TGM7: variants seen among roughly 807,000 people sequenced by gnomAD.
The protein encoded by TGM7 is protein-glutamine gamma-glutamyltransferase Z.
TGM7 carries 74 observed loss-of-function variants against 79.5 expected under a neutral mutation model. The ratio of observed to expected loss-of-function variants is 0.93; its 90% CI spans 0.77 to 1.13. The LOEUF (loss-of-function observed/expected upper bound fraction) is 1.13, where lower values mean the gene tolerates loss of function less well. Among genes scored for constraint, TGM7 ranks in the 50% most tolerant of loss-of-function variants. The pLI is 0.00. For missense variants in TGM7, 912 were observed against 905.9 expected (o/e 1.01, Z -0.09); for synonymous variants, 354 against 362.5 (o/e 0.98, Z 0.27).
Position 43,279,919 on chromosome 15 carries a change from C to T in TGM7, c.1384G>A (p.Ala462Thr). 2 of 1,614,160 alleles carry T rather than the reference C, an allele frequency of 1.2e-6. No homozygotes were observed. Among genetic ancestry groups the T allele is most frequent in the Non-Finnish European group, 1.7e-6 (2 of 1,180,008 alleles). Residue 462 changes from alanine to threonine, a missense_variant, in exon 10 of 13, where the codon GCT (alanine) becomes ACT (threonine). Ala to Thr is a moderately conservative substitution (Grantham distance 58). Coordinates refer to ENST00000452443, the MANE Select transcript of TGM7 (RefSeq NM_052955.3). Reference protein sequence around the residue: ...SPEERAVFMKASRKMLGPQRA... With the variant: ...SPEERAVFMKTSRKMLGPQRA... Reference sequence around the variant, plus strand: ...TGGGGGCCCAGCATTTTCCGAGAAGCCTTCATGAAGACAGCTCTCTCCTCA... The same window carrying T: ...TGGGGGCCCAGCATTTTCCGAGAAGTCTTCATGAAGACAGCTCTCTCCTCA...
At chr15:43,277,326 G>A (rs562935862) in intron 11 of TGM7, among the ~76,000 whole-genome samples, 2 of 152,346 alleles carry the variant, frequency 1.3e-5, no homozygotes, top group Admixed American at 6.5e-5. Flanking sequence ...GGAAGGCTGT[G>A]TTAAAAGGAT....
Position 43,287,334 on chromosome 15 carries a change from C to T in TGM7, c.811G>A (p.Gly271Arg), listed in dbSNP as rs746275289. 12 of 1,613,968 alleles carry T rather than the reference C, an allele frequency of 7.4e-6. No individual in the cohort carries two copies. The highest frequency in any genetic ancestry group is 2.2e-5 in the South Asian group (2 of 91,068). Residue 271 changes from glycine to arginine, a missense_variant, in exon 6 of 13, where the codon GGG becomes AGG. By Grantham distance (125) the Gly-to-Arg change is moderately radical. Transcript: ENST00000452443. ...CACTGTCCGTACTTCACAGGCTGCC[C>T]GCCCCTGGCTGACCACTGCTGTAGG... Reference protein sequence around the residue: ...AILQQWSARGGQPVKYGQCWV... With the variant: ...AILQQWSARGRQPVKYGQCWV...
chr15:43,293,400 G>C lies in TGM7; in HGVS notation c.193+49C>G, dbSNP rs747060066. The C allele has an allele frequency of 9.8e-6, 15 of 1,535,704 alleles. No homozygotes were observed. In the Admixed American group the frequency reaches 2.9e-4, roughly 30 times the overall value. On this transcript the variant is annotated intron_variant, in intron 2 of 12. Transcript: ENST00000452443. ...GGCCCCGCAGGCAGACTCTGTAAAT[G>C]CCCTCATTTTGACGGAACCTGCGGG...
At chr15:43,299,018 G>A (rs1036447099) in intron 1 of TGM7, among the ~76,000 whole-genome samples, 12 of 151,858 alleles carry the variant, frequency 7.9e-5, no homozygotes, top group Non-Finnish European at 1.6e-4. Context: ...AAAGATTACA[G>A]AAAGGTAGTT....
At chr15:43,301,637 A>AT (rs1174098883) in intron 1 of TGM7, among the ~76,000 whole-genome samples, 1 of 151,230 alleles carries the variant, frequency 6.6e-6, no homozygotes, top group African/African-American at 2.4e-5. Context: ...CTCAAAAAAA[A>AT]AAAAAAGAAA....
chr15:43,277,097 G>T, intron 11 of TGM7, 102 bp from the exon 12 acceptor site: 1 of 1,457,906 alleles, frequency 6.9e-7, no homozygotes, highest in Non-Finnish European at 9.2e-7. Context: ...ACCAGGAACT[G>T]CGGCTTAGAG....
chr15:43,292,965 G>A lies in TGM7; in HGVS notation c.194-11C>T. On this transcript the variant is annotated splice_polypyrimidine_tract_variant and intron_variant, in intron 2 of 12. Transcript: ENST00000452443. ...CTGACGGCTTGGGTCCTGTGTAGGA[G>A]AGAATGACCCCACAGTGAGGCTCAA... 1 of 1,612,440 alleles carries A rather than the reference G, an allele frequency of 6.2e-7. No homozygotes were observed. Among genetic ancestry groups the A allele is most frequent in the Non-Finnish European group, 8.5e-7 (1 of 1,179,516 alleles).
At chr15:43,279,015 G>A in intron 11 of TGM7, 102 bp downstream of exon 11, 4 of 1,270,032 alleles carry the variant, frequency 3.1e-6, no homozygotes, top group Non-Finnish European at 4.4e-6. Flanking sequence ...AGCCATCGGT[G>A]TGGTGAGAGG....
chr15:43,287,281 G>A lies in TGM7; in HGVS notation c.864C>T (p.Thr288=), dbSNP rs369114710. The part of the protein sequence containing the change: ...QCWVFASVMC[T]VMRCLGVPTR... ...CTAAGTGAGTGATCTTTCGCTCACC[G>A]GTGCACATAACAGAGGCGAAGACCC... The change falls in exon 6 of 13, where the codon ACC becomes ACT. Residue 288 remains threonine, a splice_region_variant and synonymous_variant. Transcript: ENST00000452443. The A allele has an allele frequency of 4.7e-5, 75 of 1,612,456 alleles. No individual in the cohort carries two copies. The African/African-American group carries it at 7.6e-4, about 16-fold the overall frequency.
At chr15:43,291,782 A>G (rs1301068494) in intron 4 of TGM7, among the ~76,000 whole-genome samples, 197 bp downstream of exon 4, 1 of 152,174 alleles carries the variant, frequency 6.6e-6, no homozygotes, top group Non-Finnish European at 1.5e-5. Context: ...AATGTTAAAA[A>G]CTAAAAAGGA....
rs144734994 is a variant in TGM7 at position 43,279,427 on chromosome 15, C to T, written c.1679-150G>A. 8.9e-4 allele frequency: 1,024 copies of T among 1,147,438 alleles called. 6 individuals carry two copies. In the African/African-American group the frequency reaches 0.014, roughly 16 times the overall value. The allele number at this position is 1,147,438 out of a possible 1,614,324, so 71.1% of individuals were successfully genotyped here. The stretch of plus-strand genomic sequence containing the variant: ...CAGACAGCGTCCCACCACGCACACA[C>T]TGTCCCCAGGGCTCACTGCTCCGTC... On this transcript the variant is annotated intron_variant, in intron 10 of 12. Transcript: ENST00000452443.
intron 1 of TGM7, among the ~76,000 whole-genome samples, chr15:43,297,473 C>T (rs371885635): frequency 8.6e-6 from 1 of 116,558 alleles, no homozygotes; most frequent in Admixed American, 9.3e-5. Context: ...GAAAGAGAGA[C>T]AGAAAGAGAG....
At chr15:43,277,552 C>T (rs2042884448) in intron 11 of TGM7, among the ~76,000 whole-genome samples, 1 of 152,192 alleles carries the variant, frequency 6.6e-6, no homozygotes, top group Non-Finnish European at 1.5e-5. Flanking sequence ...TTTCCCCACG[C>T]TGCTGTGTCT....
At chr15:43,301,676 G>A (rs2043026242) in intron 1 of TGM7, among the ~76,000 whole-genome samples, 1 of 151,766 alleles carries the variant, frequency 6.6e-6, no homozygotes, top group Non-Finnish European at 1.5e-5. Flanking sequence ...CCCATGTTTA[G>A]TGCCCTCCCT....
intron 1 of TGM7, among the ~76,000 whole-genome samples, chr15:43,297,127 T>C (rs1274366803): frequency 6.6e-6 from 1 of 151,936 alleles, no homozygotes; most frequent in African/African-American, 2.4e-5. Context: ...TATAAAAGGA[T>C]CAAATATATC....
At chr15:43,296,286 G>C (rs491800) in intron 1 of TGM7, among the ~76,000 whole-genome samples, 1 of 151,824 alleles carries the variant, frequency 6.6e-6, no homozygotes, top group Non-Finnish European at 1.5e-5. Context: ...TTAGCCGGGC[G>C]TGGTGGCGGG....
intron 1 of TGM7, among the ~76,000 whole-genome samples, chr15:43,301,411 C>T (rs1303374459): frequency 2.0e-5 from 3 of 151,522 alleles, no homozygotes; most frequent in African/African-American, 7.3e-5. Flanking sequence ...GGGTGGGTCA[C>T]CTGAGGTCAG....
chr15:43,282,047 C>A lies in TGM7; in HGVS notation c.1148G>T (p.Arg383Met). ...ATAGGCCAGGTGGACATCCCCTTCCCTGATGGCCTTCACAGAGGCAGGGCC... is the reference window on the plus strand; with the variant it reads ...ATAGGCCAGGTGGACATCCCCTTCCATGATGGCCTTCACAGAGGCAGGGCC... The part of the protein sequence containing the change: ...CCGPASVKAI[R>M]EGDVHLAYDT... The change falls in exon 9 of 13, where the codon AGG becomes ATG. Residue 383 changes from arginine (R) to methionine (M), a missense_variant. Arg to Met is a moderately conservative substitution (Grantham distance 91). Coordinates refer to ENST00000452443, the MANE Select transcript of TGM7 (RefSeq NM_052955.3). 4 of 1,614,164 alleles carry A rather than the reference C, an allele frequency of 2.5e-6. No homozygotes were observed. The Middle Eastern group carries it at 4.9e-4, about 200-fold the overall frequency.
chr15:43,280,820 G>A (rs763939852), intron 9 of TGM7, among the ~76,000 whole-genome samples: 4 of 152,188 alleles, frequency 2.6e-5, no homozygotes, highest in African/African-American at 4.8e-5. Flanking sequence ...CTGTTTTAAG[G>A]AAAGGCTAGC....
Sources: gnomAD v4.1 joint callset for allele counts (sites outside exome capture counted in the v4.1 genomes callset) on GRCh38, gnomAD v4.1.1 for gene constraint, MANE v1.5 for transcripts, NCBI Gene and HGNC (gene_info 2026-07-23, HGNC 2026-07-21) for gene names.